HESX1: variants seen among roughly 807,000 people sequenced by gnomAD.
HESX1 encodes HESX homeobox 1.
HESX1 carries 11 observed loss-of-function variants against 22.5 expected under a neutral mutation model. The ratio of observed to expected loss-of-function variants is 0.49; its 90% CI spans 0.31 to 0.81. HESX1 has a LOEUF of 0.81. Among genes scored for constraint, HESX1 ranks in the 30% least tolerant of loss-of-function variants. The pLI, the probability that HESX1 is intolerant of heterozygous loss-of-function variation, is 0.05. For synonymous variants in HESX1, 74 were observed against 76.5 expected (o/e 0.97, Z 0.17); for missense variants, 201 against 212.6 (o/e 0.95, Z 0.34).
chr3:57,219,651 G>A (rs1415790781), intron 1 of HESX1, among the ~76,000 whole-genome samples: 1 of 152,082 alleles, frequency 6.6e-6, no homozygotes, highest in Non-Finnish European at 1.5e-5. Context: ...ACAGGCGTGA[G>A]CCACCGCACC....
At chr3:57,214,579 G>T (rs1307146935) in intron 1 of HESX1, among the ~76,000 whole-genome samples, 1 of 152,136 alleles carries the variant, frequency 6.6e-6, no homozygotes, top group Non-Finnish European at 1.5e-5. Context: ...TTATTATAGT[G>T]CCTAATTAAG....
At chr3:57,222,501 C>T (rs1186170119) in intron 1 of HESX1, among the ~76,000 whole-genome samples, 1 of 152,164 alleles carries the variant, frequency 6.6e-6, no homozygotes, top group Non-Finnish European at 1.5e-5. Context: ...TCAAGCGATC[C>T]TCCCACCTCA....
At chr3:57,201,209 C>T (rs2060483521), upstream of HESX1, among the ~76,000 whole-genome samples, 1 of 152,162 alleles carries the variant, frequency 6.6e-6, no homozygotes, top group Non-Finnish European at 1.5e-5. Flanking sequence ...GAGCTAAATT[C>T]CTCCTGATGA....
Position 57,212,557 on chromosome 3 carries a change from C to CAAAAAAAAAAAA in HESX1, c.-110-12541_-110-12530dup, listed in dbSNP as rs56093005. On this transcript the variant is annotated intron_variant, in intron 1 of 2. Transcript: ENST00000495160. ...CTGGGGACAGAGCAAGACTCTGTCT[C>CAAAAAAAAAAAA]AAAAAAAAAAAAAAAAAGATTCATT... is the stretch of plus-strand genomic sequence containing the variant. Among the ~76,000 whole-genome samples, 186 of 80,108 alleles carry CAAAAAAAAAAAA rather than the reference C, an allele frequency of 2.3e-3. 16 individuals are homozygous for CAAAAAAAAAAAA. Among genetic ancestry groups the CAAAAAAAAAAAA allele is most frequent in the African/African-American group, 8.0e-3 (147 of 18,276 alleles). The allele number at this position is 80,108 out of a possible 152,430, so 52.6% of individuals were successfully genotyped here.
At chr3:57,211,527 CAAAAAAAAAAAA>C (rs61137408) in intron 1 of HESX1, among the ~76,000 whole-genome samples, 2 of 31,984 alleles carry the variant, frequency 6.3e-5, no homozygotes, top group Non-Finnish European at 9.9e-5. Context: ...GAGACCTTGT[CAAAAAAAAAAAA>C]AAAAAAAAAA....
chr3:57,207,347 G>C (rs1410872174), intron 1 of HESX1, among the ~76,000 whole-genome samples: 3 of 152,182 alleles, frequency 2.0e-5, no homozygotes, highest in African/African-American at 7.2e-5. Flanking sequence ...GATGTGAGTA[G>C]AAACAACATG....
At chr3:57,204,913 G>C (rs926968743), upstream of HESX1, among the ~76,000 whole-genome samples, 1 of 152,108 alleles carries the variant, frequency 6.6e-6, no homozygotes, top group African/African-American at 2.4e-5. Flanking sequence ...ACTGGAAAAG[G>C]AGCAGCTAGC....
At chr3:57,225,021 G>A (rs1464359370) in intron 1 of HESX1, among the ~76,000 whole-genome samples, 5 of 152,134 alleles carry the variant, frequency 3.3e-5, no homozygotes, top group Admixed American at 2.6e-4. Context: ...TAACCCCTAA[G>A]GCATTCTCTG....
chr3:57,220,265 T>C (rs1322197180), intron 1 of HESX1, among the ~76,000 whole-genome samples: 1 of 152,156 alleles, frequency 6.6e-6, no homozygotes, highest in African/African-American at 2.4e-5. Context: ...CATGAAGTCA[T>C]TTTTTATGAC....
At chr3:57,199,706 A>G in intron 1 of HESX1, 56 bp downstream of exon 1, 1 of 1,535,868 alleles carries the variant, frequency 6.5e-7, no homozygotes, top group Non-Finnish European at 9.0e-7. Flanking sequence ...ATAAAGGGCA[A>G]ATTAAACACT....
chr3:57,217,000 A>C (rs1421718907), intron 1 of HESX1, among the ~76,000 whole-genome samples: 1 of 152,184 alleles, frequency 6.6e-6, no homozygotes, highest in East Asian at 1.9e-4. Context: ...AGATTTGGCC[A>C]ATGGGAGTCC....
chr3:57,211,824 C>T (rs1055487852), intron 1 of HESX1, among the ~76,000 whole-genome samples: 3 of 150,828 alleles, frequency 2.0e-5, no homozygotes, highest in Non-Finnish European at 4.4e-5. Flanking sequence ...CAGAGTGAGA[C>T]GCCATCTCAA....
intron 1 of HESX1, among the ~76,000 whole-genome samples, chr3:57,217,600 C>G (rs2060589673): frequency 6.6e-6 from 1 of 152,064 alleles, no homozygotes; most frequent in Admixed American, 6.6e-5. Flanking sequence ...GCTCTGACAC[C>G]CCAGACCTAG....
intron 1 of HESX1, among the ~76,000 whole-genome samples, chr3:57,207,128 T>C (rs1018605193): frequency 1.3e-5 from 2 of 152,154 alleles, no homozygotes; most frequent in East Asian, 1.9e-4. Flanking sequence ...TTTGTATTTT[T>C]AGTAGAGATG....
intron 1 of HESX1, among the ~76,000 whole-genome samples, chr3:57,208,308 G>T (rs1012083583): frequency 5.3e-5 from 8 of 151,990 alleles, no homozygotes; most frequent in African/African-American, 1.9e-4. Context: ...TGTTATGTAT[G>T]CTAAAGAGTT....
chr3:57,209,423 G>A (rs948200468), intron 1 of HESX1, among the ~76,000 whole-genome samples: 3 of 151,910 alleles, frequency 2.0e-5, no homozygotes, highest in African/African-American at 4.8e-5. Flanking sequence ...AGGCGGGGTG[G>A]ATCATCTGAA....
At chr3:57,209,372 G>T (rs370795247) in intron 1 of HESX1, among the ~76,000 whole-genome samples, 1 of 151,976 alleles carries the variant, frequency 6.6e-6, no homozygotes, top group African/African-American at 2.4e-5. Flanking sequence ...TAGGCCGGGC[G>T]CAGTGGCTCA....
rs2107564464 is a variant in HESX1, at chr3:57,198,799, C to T, written c.311G>A (p.Ser104Asn). The T allele has an allele frequency of 6.2e-7, 1 of 1,614,138 alleles. No individual in the cohort carries two copies. The part of the protein sequence containing the change: ...SERLSLKREL[S>N]WYRGRRPRTA... Reference sequence around the variant, plus strand: ...TCTTGGTCTTCGGCCTCTATACCAACTCAACTCTCTTTTCAAAGACAGTCT... The same window carrying T: ...TCTTGGTCTTCGGCCTCTATACCAATTCAACTCTCTTTTCAAAGACAGTCT... Residue 104 changes from serine (S) to asparagine (N), a missense_variant, in exon 2 of 4, where the codon AGT becomes AAT. Physicochemically the swap from Ser to Asn is conservative, Grantham distance 46. Transcript: ENST00000295934.
chr3:57,224,442 C>G (rs1242941235), intron 1 of HESX1, among the ~76,000 whole-genome samples: 2 of 152,064 alleles, frequency 1.3e-5, no homozygotes, highest in Admixed American at 1.3e-4. Flanking sequence ...CCACCTGACT[C>G]TTTAAAAATT....
Sources: gnomAD v4.1 joint callset for allele counts (sites outside exome capture counted in the v4.1 genomes callset) on GRCh38, gnomAD v4.1.1 for gene constraint, MANE v1.5 for transcripts, NCBI Gene and HGNC (gene_info 2026-07-23, HGNC 2026-07-21) for gene names.